The following ADGRG2 variants were observed in gnomAD, a reference collection of about 807,000 sequenced individuals.
ADGRG2 encodes the protein adhesion G protein-coupled receptor G2.
Under a neutral mutation model 74.1 loss-of-function variants are expected in ADGRG2, and 26 were observed. The observed-to-expected ratio is 0.35, with a 90% CI of 0.26 to 0.49. The LOEUF is 0.49. Among genes scored for constraint, ADGRG2 ranks in the 20% least tolerant of loss-of-function variants. The probability of loss-of-function intolerance (pLI) is 0.99; values close to 1 mark genes in which losing one functional copy is unlikely to be tolerated. For missense variants in ADGRG2, 619 were observed against 763.1 expected, an observed-to-expected ratio of 0.81 and a Z score of 2.22; for synonymous variants, 296 against 295.2, an observed-to-expected ratio of 1.00 and a Z score of -0.03.
At chrX:19,105,387 A>G (rs988692541) in intron 1 of ADGRG2, among the ~76,000 whole-genome samples, 2 of 112,623 alleles carry the variant, frequency 1.8e-5, no homozygotes, top group Non-Finnish European at 3.7e-5. Context: ...TCATCCAACT[A>G]TAATTAGTTG....
chrX:19,085,102 T>C (rs946126798), intron 1 of ADGRG2, among the ~76,000 whole-genome samples: 3 of 112,017 alleles, frequency 2.7e-5, no homozygotes, highest in Non-Finnish European at 3.8e-5. Context: ...AATACTGTCA[T>C]TGCAGCTGTG....
At chrX:19,004,693 A>C (rs2060195347) in intron 23 of ADGRG2, 65 bp downstream of exon 23, 1 of 1,113,007 alleles carries the variant, frequency 9.0e-7, no homozygotes, top group Admixed American at 2.3e-5. Context: ...GGCTTAGTTA[A>C]TAAATGTTGG....
At chrX:19,052,835 G>A (rs984596289) in intron 3 of ADGRG2, among the ~76,000 whole-genome samples, 2 of 109,042 alleles carry the variant, frequency 1.8e-5, no homozygotes, top group Admixed American at 9.9e-5. Context: ...GATTACAGGC[G>A]CCCACCACCA....
At chrX:19,066,796 A>G (rs1269784188) in intron 3 of ADGRG2, among the ~76,000 whole-genome samples, 1 of 111,150 alleles carries the variant, frequency 9.0e-6, no homozygotes, top group Non-Finnish European at 1.9e-5. Flanking sequence ...TTGTGCCCAC[A>G]GAAATTGCAG....
At chrX:19,040,463 TA>T (rs1041970406) in intron 3 of ADGRG2, among the ~76,000 whole-genome samples, 2 of 112,157 alleles carry the variant, frequency 1.8e-5, no homozygotes, top group Non-Finnish European at 3.8e-5. Flanking sequence ...AAAAATAAGA[TA>T]AAATTAGTTT....
chrX:19,029,265 A>C (rs920735944), intron 9 of ADGRG2, among the ~76,000 whole-genome samples: 1 of 112,339 alleles, frequency 8.9e-6, no homozygotes, highest in Non-Finnish European at 1.9e-5. Flanking sequence ...TGAGATCTAC[A>C]TAGACTTATC....
intron 2 of ADGRG2, among the ~76,000 whole-genome samples, chrX:19,081,203 C>T (rs2061841173): frequency 9.0e-6 from 1 of 111,508 alleles, no homozygotes; most frequent in South Asian, 3.8e-4. Context: ...ACAATAGCCT[C>T]TCCTATATAG....
intron 1 of ADGRG2, among the ~76,000 whole-genome samples, chrX:19,096,443 T>C (rs1381695704): frequency 9.1e-6 from 1 of 109,480 alleles, no homozygotes; most frequent in East Asian, 2.8e-4. Flanking sequence ...AGTATTGCAG[T>C]TAGCAATAGG....
At chrX:19,016,502 C>T (rs2060471758) in intron 15 of ADGRG2, among the ~76,000 whole-genome samples, 1 of 110,594 alleles carries the variant, frequency 9.0e-6, no homozygotes, top group Non-Finnish European at 1.9e-5. Flanking sequence ...GGGAGGCAGG[C>T]ATCGATGTAT....
chrX:18,997,230 T>C (rs928550766), intron 26 of ADGRG2, among the ~76,000 whole-genome samples: 1 of 111,910 alleles, frequency 8.9e-6, no homozygotes, highest in Non-Finnish European at 1.9e-5. Flanking sequence ...AAACAGCATG[T>C]ATAAGAGAGG....
chrX:19,008,401 C>T (rs983066897), intron 18 of ADGRG2, among the ~76,000 whole-genome samples: 1 of 111,604 alleles, frequency 9.0e-6, no homozygotes, highest in African/African-American at 3.3e-5. Flanking sequence ...CACGGCGGCT[C>T]ACACCTGTAA....
At chrX:18,994,798 T>C (rs1443739063) in intron 28 of ADGRG2, 98 bp downstream of exon 28, 2 of 584,393 alleles carry the variant, frequency 3.4e-6, no homozygotes, top group African/African-American at 2.3e-5. Context: ...TATGTATTAA[T>C]AGTTACTCAC....
At chrX:19,025,211 T>G (rs5909103) in intron 11 of ADGRG2, among the ~76,000 whole-genome samples, 1 of 110,239 alleles carries the variant, frequency 9.1e-6, no homozygotes, top group East Asian at 2.9e-4. Context: ...GTGCAGGGGT[T>G]GCACTGTATT....
chrX:19,078,292 G>A (rs2061785832), intron 2 of ADGRG2, among the ~76,000 whole-genome samples: 1 of 112,266 alleles, frequency 8.9e-6, no homozygotes, highest in Non-Finnish European at 1.9e-5. Flanking sequence ...GCTCACACCT[G>A]TAATCCCAGC....
chrX:19,000,106 GC>G (rs775240044), intron 24 of ADGRG2, 146 bp from the exon 25 acceptor site: 195 of 395,556 alleles, frequency 4.9e-4, no homozygotes, highest in South Asian at 1.5e-3. Flanking sequence ...TGATTCTCCT[GC>G]CTCAGCCTCC....
chrX:19,071,422 G>A (rs2061651634), intron 2 of ADGRG2, among the ~76,000 whole-genome samples: 1 of 111,892 alleles, frequency 8.9e-6, no homozygotes, highest in Non-Finnish European at 1.9e-5. Context: ...AAGATGTATC[G>A]ATGTCTCTCT....
chrX:19,086,093 A>ATCCT (rs2061931205), intron 1 of ADGRG2, among the ~76,000 whole-genome samples: 1 of 111,826 alleles, frequency 8.9e-6, no homozygotes, highest in African/African-American at 3.3e-5. Flanking sequence ...AGAAAGGCCC[A>ATCCT]TCCTTCAGTC....
At chrX:19,094,584 G>A (rs1460032698) in intron 1 of ADGRG2, among the ~76,000 whole-genome samples, 1 of 112,239 alleles carries the variant, frequency 8.9e-6, no homozygotes, top group Non-Finnish European at 1.9e-5. Context: ...TCAGAAACTG[G>A]AAGTCAGTGC....
Position 18,998,645 on chromosome X carries a change from G to A in ADGRG2, c.2614+351C>T, listed in dbSNP as rs1037018087. 6.1e-5 allele frequency among the ~76,000 whole-genome samples: 6 copies of A among 97,722 alleles called. No homozygotes were observed. In the Admixed American group the frequency reaches 7.1e-4, roughly 12 times the overall value. The allele number at this position is 97,722 out of a possible 115,157, so 84.9% of individuals were successfully genotyped here. ...TTTTTACAAATTGAAGGTTGTGGCA[G>A]CCCTGCGTCCAGCAAGTCTCTCAAG... On this transcript the variant is annotated intron_variant, in intron 26 of 28. Coordinates refer to ENST00000379869, the MANE Select transcript of ADGRG2 (RefSeq NM_001079858.3).
Sources: allele counts gnomAD v4.1 joint callset (sites outside exome capture counted in the v4.1 genomes callset), GRCh38; gene constraint gnomAD v4.1.1; transcripts MANE v1.5; gene names NCBI Gene and HGNC (gene_info 2026-07-23, HGNC 2026-07-21).